MGAT4C: variants seen among roughly 807,000 people sequenced by gnomAD.
MGAT4C encodes MGAT4 family member C.
MGAT4C carries 19 observed loss-of-function variants against 40.1 expected under a neutral mutation model. The ratio of observed to expected loss-of-function variants is 0.47; its 90% CI spans 0.33 to 0.70. The LOEUF is 0.70. Among genes scored for constraint, MGAT4C ranks in the 30% least tolerant of loss-of-function variants. The pLI, the probability that MGAT4C is intolerant of heterozygous loss-of-function variation, is 0.02. For synonymous variants in MGAT4C, 181 were observed against 187.1 expected, an observed-to-expected ratio of 0.97 and a Z score of 0.27; for missense variants, 491 against 563.2, an observed-to-expected ratio of 0.87 and a Z score of 1.30.
intron 2 of MGAT4C, among the ~76,000 whole-genome samples, chr12:86,450,233 A>G (rs1957402786): frequency 6.6e-6 from 1 of 152,002 alleles, no homozygotes. Flanking sequence ...TCCCATACTC[A>G]TTGGTTTTAA....
At chr12:86,224,289 A>AC (rs1950993890) in intron 1 of MGAT4C, among the ~76,000 whole-genome samples, 1 of 152,202 alleles carries the variant, frequency 6.6e-6, no homozygotes, top group Non-Finnish European at 1.5e-5. Flanking sequence ...ACACTGGAGT[A>AC]CCCAGATTTA....
chr12:86,685,639 A>G (rs1008247042), intron 2 of MGAT4C, among the ~76,000 whole-genome samples: 1 of 152,142 alleles, frequency 6.6e-6, no homozygotes, highest in Non-Finnish European at 1.5e-5. Flanking sequence ...CCATTTTCAC[A>G]ATATTGATTC....
chr12:86,347,452 T>A (rs1955064044), intron 3 of MGAT4C, among the ~76,000 whole-genome samples: 1 of 152,192 alleles, frequency 6.6e-6, no homozygotes, highest in South Asian at 2.1e-4. Context: ...AAAAAAATAC[T>A]GATTCCTTTC....
intron 2 of MGAT4C, among the ~76,000 whole-genome samples, chr12:86,534,461 G>T (rs1000955205): frequency 6.6e-6 from 1 of 151,980 alleles, no homozygotes; most frequent in Non-Finnish European, 1.5e-5. Flanking sequence ...AAATCAAACT[G>T]TACACCAACC....
Position 86,134,015 on chromosome 12 carries a change from G to A in MGAT4C, c.-56-84292C>T, listed in dbSNP as rs1036689970. 1.9e-4 allele frequency among the ~76,000 whole-genome samples: 29 copies of A among 151,894 alleles called. 1 individual carries two copies. The highest frequency in any genetic ancestry group is 8.3e-4 in the South Asian group (4 of 4,808). ...AAATACTAAAAAGTTCAAATGCTACGTTTGCATTTTTTATTTTTCTTGAAT... is the reference window on the plus strand; with the variant it reads ...AAATACTAAAAAGTTCAAATGCTACATTTGCATTTTTTATTTTTCTTGAAT... On this transcript the variant is annotated intron_variant, in intron 1 of 4. Coordinates refer to ENST00000611864, the MANE Select transcript of MGAT4C (RefSeq NM_001351288.2).
chr12:86,651,505 A>C (rs758812596), intron 2 of MGAT4C, among the ~76,000 whole-genome samples: 2 of 151,860 alleles, frequency 1.3e-5, no homozygotes, highest in Admixed American at 1.3e-4. Flanking sequence ...ATTATTTTTT[A>C]ATTGGCAATC....
intron 1 of MGAT4C, among the ~76,000 whole-genome samples, chr12:86,787,520 A>C (rs1290886360): frequency 6.6e-6 from 1 of 152,084 alleles, no homozygotes; most frequent in East Asian, 1.9e-4. Context: ...TGAAAAAAAA[A>C]AGTCCAACAT....
intron 2 of MGAT4C, among the ~76,000 whole-genome samples, chr12:86,489,653 G>A (rs1270593661): frequency 2.0e-5 from 3 of 152,210 alleles, no homozygotes. Flanking sequence ...CACTGAAGCT[G>A]CTGGCCAGTT....
At position 86,529,313 on chromosome 12, in the gene MGAT4C, A is replaced by T. The variant is rs573972758; in HGVS notation, c.-228-94048T>A. ...CTTATCTTTGGGTATGAGGCAATTC[A>T]CTGCACCTGAAGACCATACCATTAT... On this transcript the variant is annotated intron_variant, in intron 2 of 7. Transcript: ENST00000548651. Among the ~76,000 whole-genome samples the T allele has an allele frequency of 8.5e-4, 129 of 152,220 alleles. 4 individuals are homozygous for T. Among genetic ancestry groups the T allele is most frequent in the East Asian group, 3.9e-4 (2 of 5,186 alleles).
At chr12:86,791,069 T>G (rs1302605354) in intron 1 of MGAT4C, among the ~76,000 whole-genome samples, 1 of 152,110 alleles carries the variant, frequency 6.6e-6, no homozygotes, top group Admixed American at 6.6e-5. Context: ...TTCAGAAATT[T>G]CGGTGTGCTC....
chr12:86,010,694 C>CAACA (rs201550905), intron 2 of MGAT4C, among the ~76,000 whole-genome samples: 2 of 60,216 alleles, frequency 3.3e-5, no homozygotes, highest in East Asian at 2.3e-4. Context: ...ACAAACAAAC[C>CAACA]AACAAACAAA....
chr12:86,694,634 C>T (rs535539197), intron 2 of MGAT4C, among the ~76,000 whole-genome samples: 56 of 151,980 alleles, frequency 3.7e-4, no homozygotes, highest in Non-Finnish European at 6.2e-4. Flanking sequence ...TAGAAGTGAC[C>T]GCAATCTTCT....
At chr12:86,188,733 T>C (rs1160999974) in intron 1 of MGAT4C, among the ~76,000 whole-genome samples, 1 of 151,918 alleles carries the variant, frequency 6.6e-6, no homozygotes, top group Non-Finnish European at 1.5e-5. Context: ...GTTAACTCCC[T>C]AACTGCTGAT....
intron 2 of MGAT4C, among the ~76,000 whole-genome samples, chr12:86,591,609 T>C (rs890684397): frequency 2.2e-4 from 33 of 151,848 alleles, no homozygotes; most frequent in African/African-American, 8.0e-4. Flanking sequence ...CTCATTATGT[T>C]GAAAAGTATG....
intron 1 of MGAT4C, among the ~76,000 whole-genome samples, chr12:86,742,599 C>T (rs1951084908): frequency 6.6e-6 from 1 of 151,270 alleles, no homozygotes; most frequent in Admixed American, 6.6e-5. Context: ...GTCTGTTTAG[C>T]CTAAATGAGA....
chr12:86,228,922 T>C (rs965410064), intron 1 of MGAT4C, among the ~76,000 whole-genome samples: 2 of 151,890 alleles, frequency 1.3e-5, no homozygotes, highest in African/African-American at 2.4e-5. Context: ...TCTGGGATTA[T>C]CAAAGCCATT....
chr12:86,688,157 C>CTTTTTTTTTTTTTTTT (rs55637680), intron 2 of MGAT4C, among the ~76,000 whole-genome samples: 58 of 65,236 alleles, frequency 8.9e-4, no homozygotes, highest in African/African-American at 1.8e-3. Context: ...GCAACCCCTG[C>CTTTTTTTTTTTTTTTT]TTTTTTTTTT....
intron 3 of MGAT4C, among the ~76,000 whole-genome samples, chr12:86,420,493 G>A (rs1415569540): frequency 1.3e-5 from 2 of 152,030 alleles, no homozygotes; most frequent in African/African-American, 4.8e-5. Flanking sequence ...AATATTTACA[G>A]TACCATAAAA....
At chr12:86,663,834 A>C (rs1593092395) in intron 2 of MGAT4C, among the ~76,000 whole-genome samples, 1 of 152,152 alleles carries the variant, frequency 6.6e-6, no homozygotes, top group South Asian at 2.1e-4. Context: ...AAACAGAAAA[A>C]TCTATGCAAC....
Sources: allele counts gnomAD v4.1 joint callset (sites outside exome capture counted in the v4.1 genomes callset), GRCh38; gene constraint gnomAD v4.1.1; transcripts MANE v1.5; gene names NCBI Gene and HGNC (gene_info 2026-07-23, HGNC 2026-07-21).